CNBD2: variants seen among roughly 807,000 people sequenced by gnomAD.
CNBD2 encodes cyclic nucleotide binding domain containing 2, also known as cyclic nucleotide-binding domain-containing protein 2.
In CNBD2, 64 loss-of-function variants were observed where a neutral mutation model predicts 63.7. The observed-to-expected ratio is 1.00, with a 90% CI of 0.82 to 1.24. The LOEUF (loss-of-function observed/expected upper bound fraction) is 1.24. Ranked by LOEUF, CNBD2 falls within the 50% of genes most tolerant of loss-of-function variation. CNBD2 has a pLI of 0.00. For missense variants in CNBD2, 691 were observed against 713.5 expected (o/e 0.97, Z 0.36); for synonymous variants, 229 against 255.4 (o/e 0.90, Z 0.99).
At chr20:35,984,545 G>A (rs2056640578) in intron 5 of CNBD2, 82 bp from the exon 6 acceptor site, 9 of 1,443,136 alleles carry the variant, frequency 6.2e-6, no homozygotes, top group Non-Finnish European at 8.5e-6. Context: ...GGGGGAAGAT[G>A]GAGGCACGGA....
chr20:35,998,304 G>A (rs1408158797), intron 8 of CNBD2, among the ~76,000 whole-genome samples: 2 of 151,840 alleles, frequency 1.3e-5, no homozygotes, highest in Admixed American at 1.3e-4. Flanking sequence ...GCCTCCCAAA[G>A]TGCTGGGATT....
chr20:36,000,555 G>T (rs987070919), intron 8 of CNBD2, among the ~76,000 whole-genome samples: 1 of 151,118 alleles, frequency 6.6e-6, no homozygotes, highest in African/African-American at 2.4e-5. Context: ...TTTTGTATTT[G>T]TTGTTGTTGT....
chr20:36,020,428 G>A (rs545499517), intron 10 of CNBD2, among the ~76,000 whole-genome samples: 1 of 152,222 alleles, frequency 6.6e-6, no homozygotes. Flanking sequence ...TGTAACATGA[G>A]AATAAGAATA....
At position 35,984,031 on chromosome 20, in the gene CNBD2, T is replaced by A; in HGVS notation, c.457T>A (p.Phe153Ile). ...IIKKGQKGNS[F>I]YFIYLGTVAI... ...CAAGAAGGGGCAGAAGGGCAACAGC[T>A]TTTATTTCATCTACCTGGGCACAGT... Residue 153 changes from phenylalanine to isoleucine, a missense_variant, in exon 5 of 12, where the codon TTT becomes ATT. Transcript: ENST00000373973. 6.2e-7 allele frequency: 1 copy of A among 1,614,190 alleles called. No individual in the cohort carries two copies. The highest frequency in any genetic ancestry group is 1.7e-4 in the Middle Eastern group (1 of 6,058).
At chr20:36,005,200 A>G (rs534516453) in intron 8 of CNBD2, among the ~76,000 whole-genome samples, 2 of 152,310 alleles carry the variant, frequency 1.3e-5, no homozygotes, top group East Asian at 3.9e-4. Flanking sequence ...TTGGCACCAG[A>G]GGCTGGTTTC....
At chr20:35,983,906 A>T in intron 4 of CNBD2, 76 bp from the exon 5 acceptor site, 1 of 1,554,962 alleles carries the variant, frequency 6.4e-7, no homozygotes, top group South Asian at 1.1e-5. Flanking sequence ...AAAGAGCACA[A>T]CCAGTCCAGA....
intron 8 of CNBD2, among the ~76,000 whole-genome samples, chr20:36,001,641 G>C (rs2056907269): frequency 1.3e-5 from 2 of 151,202 alleles, no homozygotes; most frequent in African/African-American, 4.9e-5. Context: ...CTTCTCAGAT[G>C]GGGCGGTTGC....
At chr20:35,963,528 C>G (rs912787135) in intron 2 of CNBD2, among the ~76,000 whole-genome samples, 2 of 152,078 alleles carry the variant, frequency 1.3e-5, no homozygotes, top group Admixed American at 6.5e-5. Flanking sequence ...GTAATCCCAG[C>G]TACTCAGGAG....
intron 11 of CNBD2, among the ~76,000 whole-genome samples, chr20:36,024,196 G>A (rs151053258): frequency 3.5e-4 from 53 of 150,790 alleles, no homozygotes; most frequent in Admixed American, 1.8e-3. Flanking sequence ...TTAGCCAGGC[G>A]TGGTGGCACA....
At chr20:35,963,998 C>T (rs184107685), upstream of CNBD2, among the ~76,000 whole-genome samples, 1 of 152,230 alleles carries the variant, frequency 6.6e-6, no homozygotes, top group African/African-American at 2.4e-5. Flanking sequence ...AATATTTAAA[C>T]CAAAACACTA....
Position 36,008,453 on chromosome 20 carries a change from A to G in CNBD2, c.1127A>G (p.Lys376Arg). 2 of 1,612,172 alleles carry G rather than the reference A, an allele frequency of 1.2e-6. No homozygotes were observed. Among genetic ancestry groups the G allele is most frequent in the African/African-American group, 1.3e-5 (1 of 74,888 alleles). ...KIRTSGDTLP[K>R]MLGPKIQSRP... ...AGAACCTCAGGAGACACTCTCCCCA[A>G]GATGCTGGGCCCGAAGATCCAGTAA... Residue 376 changes from lysine (K) to arginine (R), a missense_variant, in exon 9 of 12, where the codon AAG becomes AGG. Coordinates refer to ENST00000373973, the MANE Select transcript of CNBD2 (RefSeq NM_001365709.1).
rs1214130879 is a variant in CNBD2 at position 36,011,260 on chromosome 20, G to A, written c.1269+3G>A. ...CTGTGGAGCAGGGAGAAATTTTGGT[G>A]AGTGTGCCAAGAGCTCTGTTCACCA... On this transcript the variant is annotated splice_donor_region_variant and intron_variant, in intron 10 of 11. Coordinates refer to ENST00000373973, the MANE Select transcript of CNBD2 (RefSeq NM_001365709.1). 8.4e-6 allele frequency: 13 copies of A among 1,552,254 alleles called. No homozygotes were observed. The highest frequency in any genetic ancestry group is 1.1e-5 in the Non-Finnish European group (13 of 1,147,606).
chr20:35,994,959 A>G, intron 7 of CNBD2, 79 bp from the exon 8 acceptor site: 1 of 929,210 alleles, frequency 1.1e-6, no homozygotes, highest in South Asian at 1.4e-5. Context: ...AGATGCAATT[A>G]AGAGAGATTT....
intron 7 of CNBD2, among the ~76,000 whole-genome samples, chr20:35,993,867 CTTTTTTTT>C (rs58873487): frequency 5.8e-5 from 5 of 86,476 alleles, no homozygotes; most frequent in South Asian, 4.0e-4. Context: ...TTCAGCTAAT[CTTTTTTTT>C]TTTTTTTTTT....
chr20:36,013,901 G>A (rs1208246803), intron 10 of CNBD2, among the ~76,000 whole-genome samples: 1 of 152,096 alleles, frequency 6.6e-6, no homozygotes, highest in African/African-American at 2.4e-5. Context: ...GTATAGGTAG[G>A]CCAGGTGTGG....
At chr20:36,023,568 C>A in intron 10 of CNBD2, 34 bp from the exon 11 acceptor site, 1 of 1,518,614 alleles carries the variant, frequency 6.6e-7, no homozygotes, top group Non-Finnish European at 8.8e-7. Flanking sequence ...CCTGGCCAGT[C>A]TCTGAGGTCT....
rs369865753 is a variant in CNBD2 at position 35,976,175 on chromosome 20, GT to G, written c.243+174del. Among the ~76,000 whole-genome samples, 148 of 152,316 alleles carry G rather than the reference GT, an allele frequency of 9.7e-4. 1 individual carries two copies. In the East Asian group the frequency reaches 0.018, roughly 18 times the overall value. Reference sequence around the variant, plus strand: ...CTCATCAATAAAATAGCTGATCTCAGTGATTCCTTCCAGCCCTGGAGCTCCA... The same window carrying G: ...CTCATCAATAAAATAGCTGATCTCAGGATTCCTTCCAGCCCTGGAGCTCCA... On this transcript the variant is annotated intron_variant, in intron 3 of 11. Coordinates refer to ENST00000373973, the MANE Select transcript of CNBD2 (RefSeq NM_001365709.1).
intron 11 of CNBD2, among the ~76,000 whole-genome samples, chr20:36,025,452 A>G (rs1354603022): frequency 6.6e-6 from 1 of 152,124 alleles, no homozygotes; most frequent in Non-Finnish European, 1.5e-5. Flanking sequence ...CTCCCACCTC[A>G]GTCTCCTGAG....
upstream of CNBD2, chr20:35,954,704 A>C (rs1375555415): frequency 2.8e-6 from 3 of 1,062,926 alleles, no homozygotes; most frequent in African/African-American, 5.0e-5. Context: ...GAATGTTTGG[A>C]GATAGACTTC....
Sources: allele counts gnomAD v4.1 joint callset (sites outside exome capture counted in the v4.1 genomes callset), GRCh38; gene constraint gnomAD v4.1.1; transcripts MANE v1.5; gene names NCBI Gene and HGNC (gene_info 2026-07-23, HGNC 2026-07-21).